The following RSF1 variants were observed in gnomAD, a reference collection of about 807,000 sequenced individuals.
The protein encoded by RSF1 is HBV pX-associated protein 8.
Under a neutral mutation model 145.2 loss-of-function variants are expected in RSF1, and 13 were observed. That is an observed-to-expected ratio of 0.09 (90% CI 0.06 to 0.14). RSF1 has a LOEUF of 0.14. Among genes scored for constraint, RSF1 ranks in the 10% least tolerant of loss-of-function variants. The pLI is 1.00. For synonymous variants in RSF1, 577 were observed against 592.6 expected (o/e 0.97, Z 0.38); for missense variants, 1,517 against 1,718.2 (o/e 0.88, Z 2.07).
chr11:77,700,042 C>T (rs1465719476), intron 6 of RSF1, among the ~76,000 whole-genome samples: 1 of 152,000 alleles, frequency 6.6e-6, no homozygotes, highest in South Asian at 2.1e-4. Flanking sequence ...TTATGAACAT[C>T]CACATAAATG....
At chr11:77,803,649 C>T (rs1026578798) in intron 1 of RSF1, among the ~76,000 whole-genome samples, 6 of 151,552 alleles carry the variant, frequency 4.0e-5, no homozygotes, top group Non-Finnish European at 5.9e-5. Context: ...CATGGTGGTG[C>T]GCACCTGTAA....
rs746255930 is a variant in RSF1 at position 77,701,631 on chromosome 11, T to C, written c.1598A>G (p.Asp533Gly). 10 of 1,614,000 alleles carry C rather than the reference T, an allele frequency of 6.2e-6. No individual in the cohort carries two copies. In the Admixed American group the frequency reaches 1.7e-4, roughly 27 times the overall value. ...AAGAGAAGTTTCCATTTCTGGAGGA[T>C]CGGGTTCCTCTATTTGTGCTTTTTG... ...HSQKAQIEEP[D>G]PPEMETSLDS... The change falls in exon 6 of 16, where the codon GAT (aspartate) becomes GGT (glycine). Residue 533 changes from aspartate (D) to glycine (G), a missense_variant. Asp to Gly is a moderately conservative substitution (Grantham distance 94). Coordinates refer to ENST00000308488, the MANE Select transcript of RSF1 (RefSeq NM_016578.4).
intron 1 of RSF1, among the ~76,000 whole-genome samples, chr11:77,787,578 T>C (rs1228418160): frequency 2.6e-5 from 4 of 152,004 alleles, no homozygotes; most frequent in Admixed American, 2.6e-4. Flanking sequence ...ATCTGGGTCT[T>C]TACAGAAAAA....
the RSF1 span, among the ~76,000 whole-genome samples, chr11:77,867,757 C>A: frequency 1.3e-5 from 2 of 152,166 alleles, no homozygotes; most frequent in Admixed American, 6.5e-5. Flanking sequence ...AAGAAGCTAC[C>A]ATCCTTTAAT....
At chr11:77,693,324 C>T (rs1438991126) in intron 8 of RSF1, among the ~76,000 whole-genome samples, 183 bp downstream of exon 8, 3 of 151,928 alleles carry the variant, frequency 2.0e-5, no homozygotes, top group Non-Finnish European at 4.4e-5. Flanking sequence ...TTGATAACTG[C>T]TTTGGGAAAA....
intron 1 of RSF1, among the ~76,000 whole-genome samples, chr11:77,785,970 C>A (rs1401647496): frequency 9.2e-6 from 1 of 108,184 alleles, no homozygotes; most frequent in Non-Finnish European, 1.8e-5. Flanking sequence ...ATACGTAGAT[C>A]TATTTGTTAA....
chr11:77,770,937 T>C (rs1437427582), intron 1 of RSF1, among the ~76,000 whole-genome samples: 2 of 152,202 alleles, frequency 1.3e-5, no homozygotes, highest in African/African-American at 2.4e-5. Context: ...GATACTCTGC[T>C]TATACTTATA....
chr11:77,798,619 A>C (rs113813476), intron 1 of RSF1, among the ~76,000 whole-genome samples: 15,084 of 119,426 alleles, frequency 0.13, 1,635 homozygotes, highest in African/African-American at 0.23. Context: ...AAAAAAAAAA[A>C]AAAGGCACAT....
chr11:77,851,596 TC>T, the RSF1 span: 1 of 152,150 alleles, frequency 6.6e-6, no homozygotes, highest in East Asian at 1.9e-4. Flanking sequence ...TGTGGGCAGT[TC>T]CCTCATGAAT....
At chr11:77,756,590 G>A (rs1317614345) in intron 2 of RSF1, among the ~76,000 whole-genome samples, 1 of 152,116 alleles carries the variant, frequency 6.6e-6, no homozygotes, top group Non-Finnish European at 1.5e-5. Context: ...TCATCATGGA[G>A]GTAGTAAAAT....
At chr11:77,842,761 C>A in the RSF1 span, 1 of 1,271,612 alleles carries the variant, frequency 7.9e-7, no homozygotes, top group Non-Finnish European at 1.1e-6. Flanking sequence ...CCATTAAATT[C>A]ACCCTTTTAA....
chr11:77,690,161 CAA>C (rs112481534), intron 9 of RSF1, among the ~76,000 whole-genome samples: 13 of 88,590 alleles, frequency 1.5e-4, no homozygotes, highest in African/African-American at 2.9e-4. Context: ...GACTCCATCT[CAA>C]AAAAAAAAAA....
chr11:77,727,473 CTTT>C (rs59747840), intron 4 of RSF1, among the ~76,000 whole-genome samples: 9 of 112,268 alleles, frequency 8.0e-5, no homozygotes, highest in African/African-American at 3.1e-4. Flanking sequence ...ACTTCCACTA[CTTT>C]TTTTTTTTTT....
At chr11:77,725,371 AT>A (rs1260107981) in intron 5 of RSF1, among the ~76,000 whole-genome samples, 173 bp downstream of exon 5, 31 of 152,328 alleles carry the variant, frequency 2.0e-4, no homozygotes, top group African/African-American at 7.5e-4. Context: ...AGAGCAACAT[AT>A]TTAATATTTT....
At chr11:77,768,407 G>T (rs186058230) in intron 1 of RSF1, among the ~76,000 whole-genome samples, 2 of 152,002 alleles carry the variant, frequency 1.3e-5, no homozygotes, top group African/African-American at 4.8e-5. Flanking sequence ...ATGATCTCCC[G>T]CCTCGGCCTC....
intron 2 of RSF1, among the ~76,000 whole-genome samples, chr11:77,747,724 C>T (rs1036391797): frequency 6.6e-6 from 1 of 152,200 alleles, no homozygotes; most frequent in East Asian, 1.9e-4. Context: ...ATAACCACTG[C>T]ATTTCAAAGC....
intron 5 of RSF1, among the ~76,000 whole-genome samples, chr11:77,704,999 C>T (rs1014779409): frequency 3.3e-5 from 5 of 152,140 alleles, no homozygotes; most frequent in Admixed American, 3.3e-4. Context: ...GATCCGCCCA[C>T]CTTGGCCTCC....
At chr11:77,787,489 G>A (rs189144907) in intron 1 of RSF1, among the ~76,000 whole-genome samples, 5 of 152,150 alleles carry the variant, frequency 3.3e-5, no homozygotes, top group South Asian at 2.1e-4. Flanking sequence ...TACCATTTAT[G>A]GTTGCTTTTA....
Position 77,712,973 on chromosome 11 carries a change from G to A in RSF1, c.734-10478C>T, listed in dbSNP as rs763327712. Among the ~76,000 whole-genome samples the A allele has an allele frequency of 5.1e-4, 77 of 152,058 alleles. 1 individual carries two copies. Among genetic ancestry groups the A allele is most frequent in the Non-Finnish European group, 1.8e-4 (12 of 68,010 alleles). On this transcript the variant is annotated intron_variant, in intron 5 of 15. Transcript: ENST00000308488. ...ACCAGATGTTTCAGGCTCATCTTGT[G>A]TTTTCCCTGCCTGTTCTTGAGATCA...
Sources: allele counts gnomAD v4.1 joint callset (sites outside exome capture counted in the v4.1 genomes callset), GRCh38; gene constraint gnomAD v4.1.1; transcripts MANE v1.5; gene names NCBI Gene and HGNC (gene_info 2026-07-23, HGNC 2026-07-21).